The following EPHB4 variants were observed in gnomAD, a reference collection of about 807,000 sequenced individuals.
EPHB4 encodes the protein EPH receptor B4.
A neutral mutation model predicts 110.6 loss-of-function variants in EPHB4; 50 were observed. The ratio of observed to expected loss-of-function variants is 0.45; its 90% CI spans 0.36 to 0.57. The LOEUF (loss-of-function observed/expected upper bound fraction) is 0.57. Among genes scored for constraint, EPHB4 ranks in the 20% least tolerant of loss-of-function variants. The pLI is 0.00. For synonymous variants in EPHB4, 592 were observed against 578.4 expected (o/e 1.02, Z -0.34); for missense variants, 1,128 against 1,382.1 (o/e 0.82, Z 2.91).
chr7:100,805,357 A>C (rs779178595), intron 15 of EPHB4, 36 bp from the exon 16 acceptor site: 25 of 1,611,718 alleles, frequency 1.6e-5, no homozygotes, highest in Non-Finnish European at 2.0e-5. Context: ...GCTGAGTACC[A>C]GGCCCAGGTC....
At position 100,817,331 on chromosome 7, in the gene EPHB4, C is replaced by T. The variant is rs1286422280; in HGVS notation, c.1449G>A (p.Arg483=). 1.9e-6 allele frequency: 3 copies of T among 1,582,690 alleles called. No individual in the cohort carries two copies. Among genetic ancestry groups the T allele is most frequent in the Admixed American group, 3.6e-5 (2 of 56,082 alleles). ...CCCGGTTTTCTGACGTCTTCAGGAA[C>T]CGCACGCTGCTGGGACCCTCGGCGC... ...EKGAEGPSSV[R]FLKTSENRAE... The change falls in exon 8 of 17, where the codon CGG becomes CGA. Residue 483 remains arginine (R), a synonymous_variant. Transcript: ENST00000358173.
At chr7:100,817,620 T>C (rs1410501244) in intron 7 of EPHB4, among the ~76,000 whole-genome samples, 1 of 152,082 alleles carries the variant, frequency 6.6e-6, no homozygotes, top group African/African-American at 2.4e-5. Flanking sequence ...CGAGAATCAC[T>C]TGGGTTCCAG....
In EPHB4 at chr7:100,807,542, G is replaced by A. The variant is rs752389320; in HGVS notation, c.2157C>T (p.Gly719=). Reference sequence around the variant, plus strand: ...TGCCCGAGGCGATGCCCCGCAGCATGCCCACGAGCTGGATGACTGTGAACT... The same window carrying A: ...TGCCCGAGGCGATGCCCCGCAGCATACCCACGAGCTGGATGACTGTGAACT... The part of the protein sequence containing the change: ...DGQFTVIQLV[G]MLRGIASGMR... Residue 719 remains glycine, a synonymous_variant, in exon 13 of 17, where the codon GGC becomes GGT. Coordinates refer to ENST00000358173, the MANE Select transcript of EPHB4 (RefSeq NM_004444.5). 4 of 1,614,150 alleles carry A rather than the reference G, an allele frequency of 2.5e-6. No homozygotes were observed. The highest frequency in any genetic ancestry group is 3.4e-6 in the Non-Finnish European group (4 of 1,180,034).
intron 4 of EPHB4, 103 bp from the exon 5 acceptor site, chr7:100,820,399 G>A: frequency 7.0e-7 from 1 of 1,430,444 alleles, no homozygotes; most frequent in Non-Finnish European, 9.2e-7. Flanking sequence ...GGGAGGCTGA[G>A]GCTGGAGGAT....
At chr7:100,814,085 C>T in intron 8 of EPHB4, 64 bp from the exon 9 acceptor site, 1 of 1,571,886 alleles carries the variant, frequency 6.4e-7, no homozygotes. Flanking sequence ...CCAGCCCCGG[C>T]TTTGAGCAAT....
chr7:100,806,654 G>C (rs1812823998), intron 13 of EPHB4, 85 bp from the exon 14 acceptor site: 3 of 1,481,240 alleles, frequency 2.0e-6, no homozygotes, highest in Non-Finnish European at 9.0e-7. Flanking sequence ...TCCCCCACCT[G>C]CCTCTGCTTT....
intron 16 of EPHB4, 109 bp downstream of exon 16, chr7:100,805,057 A>C (rs931007709): frequency 7.3e-7 from 1 of 1,368,214 alleles, no homozygotes; most frequent in Non-Finnish European, 9.9e-7. Context: ...CAGTGCAAGA[A>C]GACAGCATTG....
intron 7 of EPHB4, among the ~76,000 whole-genome samples, chr7:100,818,048 A>G (rs1054711754): frequency 6.7e-6 from 1 of 149,534 alleles, no homozygotes; most frequent in Admixed American, 6.7e-5. Context: ...TTGTATTTTT[A>G]GTAGAGATGG....
In EPHB4 at chr7:100,805,243, G is replaced by C. The variant is rs555916971; in HGVS notation, c.2757C>G (p.Ile919Met). The stretch of plus-strand genomic sequence containing the variant: ...AACTTTCTTCGTATCTTCCCATTTT[G>C]ATGGCCCGAAGCCACTCGCCCACAG... ...FGSVGEWLRA[I>M]KMGRYEESFA... Residue 919 changes from isoleucine (I) to methionine (M), a missense_variant, in exon 16 of 17, where the codon ATC becomes ATG. Transcript: ENST00000358173. 1 of 1,613,564 alleles carries C rather than the reference G, an allele frequency of 6.2e-7. No homozygotes were observed. Among genetic ancestry groups the C allele is most frequent in the African/African-American group, 1.3e-5 (1 of 75,058 alleles).
chr7:100,807,468 C>T lies in EPHB4; in HGVS notation c.2231G>A (p.Arg744His). 1 of 1,613,850 alleles carries T rather than the reference C, an allele frequency of 6.2e-7. No individual in the cohort carries two copies. Among genetic ancestry groups the T allele is most frequent in the Non-Finnish European group, 8.5e-7 (1 of 1,179,988 alleles). ...GAGGTTGCTGTTGACTAGGATGTTG[C>T]GAGCAGCCAGGTCTCGGTGGACGTA... ...MSYVHRDLAA[R>H]NILVNSNLVC... Residue 744 changes from arginine to histidine, a missense_variant, in exon 13 of 17, where the codon CGC (arginine) becomes CAC (histidine). Arg to His is a conservative substitution (Grantham distance 29, BLOSUM62 0). This residue lies in a region of EPHB4 where 191 missense variants were observed against 313.0 expected (regional missense o/e 0.61). Coordinates refer to ENST00000358173, the MANE Select transcript of EPHB4 (RefSeq NM_004444.5).
chr7:100,819,986 T>C (rs930377753), intron 5 of EPHB4, 97 bp from the exon 6 acceptor site: 3 of 1,471,544 alleles, frequency 2.0e-6, no homozygotes, highest in Non-Finnish European at 2.7e-6. Context: ...ACTCTTGCCT[T>C]GGAGACAGTG....
In EPHB4 at chr7:100,803,377, C is replaced by A. The variant is rs750204493; in HGVS notation, c.*84G>T. 3.2e-5 allele frequency: 44 copies of A among 1,357,672 alleles called. No individual in the cohort carries two copies. The highest frequency in any genetic ancestry group is 3.9e-5 in the Non-Finnish European group (41 of 1,038,274). The allele number at this position is 1,357,672 out of a possible 1,614,324, so 84.1% of individuals were successfully genotyped here. ...GGGCTCAAAGTGCAATCCAGCGGGGCACAGGGCTGGGGGCCTCTGTGAGTC... is the reference window on the plus strand; with the variant it reads ...GGGCTCAAAGTGCAATCCAGCGGGGAACAGGGCTGGGGGCCTCTGTGAGTC... On this transcript the variant is annotated 3_prime_UTR_variant, in exon 17 of 17. Transcript: ENST00000358173.
In EPHB4 at chr7:100,805,681, A is replaced by G; in HGVS notation, c.2498T>C (p.Ile833Thr). Residue 833 changes from isoleucine to threonine, a missense_variant, in exon 15 of 17, where the codon ATT becomes ACT. Around this residue, in one of 3 missense-constraint regions of EPHB4, gnomAD observed 209 missense variants for 240.5 expected, o/e 0.87. Transcript: ENST00000358173. ...DMSNQDVINA[I>T]EQDYRLPPPP... is the part of the protein sequence containing the mutation. ...CGGGGGCAGCCGGTAGTCCTGTTCA[A>G]TGGCATTGATCACCTGGAAAGAGGG... The G allele has an allele frequency of 6.7e-7, 1 of 1,497,638 alleles. No homozygotes were observed. The highest frequency in any genetic ancestry group is 1.4e-5 in the South Asian group (1 of 71,202). The allele number at this position is 1,497,638 out of a possible 1,614,324, so 92.8% of individuals were successfully genotyped here.
intron 8 of EPHB4, among the ~76,000 whole-genome samples, chr7:100,816,106 C>T (rs1166060298): frequency 3.3e-5 from 5 of 150,458 alleles, no homozygotes; most frequent in East Asian, 2.1e-4. Flanking sequence ...GTGGAGCTTG[C>T]GGTGAGCTGA....
chr7:100,822,281 G>A lies in EPHB4; in HGVS notation c.798C>T (p.Thr266=). The A allele has an allele frequency of 6.4e-7, 1 of 1,561,488 alleles. No homozygotes were observed. The highest frequency in any genetic ancestry group is 1.2e-5 in the South Asian group (1 of 85,388). Residue 266 remains threonine (T), a synonymous_variant, in exon 4 of 17, where the codon ACC becomes ACT. Transcript: ENST00000358173. The surrounding 1 kb of genome is among the most constrained non-coding windows in gnomAD (Gnocchi z 4.7). ...APGFEAAEGN[T]KCRACAQGTF... ...AGCTCCAGCTCTCACCTCGGCACTTGGTGTTCCCCTCAGCTGCCTCGAACC... is the reference window on the plus strand; with the variant it reads ...AGCTCCAGCTCTCACCTCGGCACTTAGTGTTCCCCTCAGCTGCCTCGAACC...
intron 8 of EPHB4, among the ~76,000 whole-genome samples, chr7:100,815,844 T>G (rs894875516): frequency 1.3e-5 from 2 of 152,016 alleles, no homozygotes; most frequent in African/African-American, 4.8e-5. Flanking sequence ...AAAATTTAGT[T>G]GAGCACGGTA....
chr7:100,809,166 G>A (rs1812877669), intron 12 of EPHB4, among the ~76,000 whole-genome samples: 1 of 152,114 alleles, frequency 6.6e-6, no homozygotes, highest in African/African-American at 2.4e-5. Context: ...GAGTAAAGTG[G>A]CGTGATCTTG....
chr7:100,805,406 A>G, intron 15 of EPHB4, 85 bp from the exon 16 acceptor site: 1 of 1,588,286 alleles, frequency 6.3e-7, no homozygotes, highest in South Asian at 1.1e-5. Flanking sequence ...AGAGGCGGAC[A>G]GAGGCCCTCC....
At chr7:100,814,762 C>T (rs1007790793) in intron 8 of EPHB4, among the ~76,000 whole-genome samples, 1 of 152,130 alleles carries the variant, frequency 6.6e-6, no homozygotes, top group Non-Finnish European at 1.5e-5. Flanking sequence ...TGCCTGTAAT[C>T]CCAGCACTCT....
Sources: gnomAD v4.1 joint callset for allele counts (sites outside exome capture counted in the v4.1 genomes callset) on GRCh38, gnomAD v4.1.1 for gene constraint, gnomAD v4.1.1 regional missense constraint, Gnocchi (gnomAD v3.1) non-coding constraint, MANE v1.5 for transcripts, NCBI Gene and HGNC (gene_info 2026-07-23, HGNC 2026-07-21) for gene names.